EYS: variants seen among roughly 807,000 people sequenced by gnomAD.
EYS encodes the protein EGF-like photoreceptor maintenance factor, also known as protein eyes shut homolog.
EYS carries 250 observed loss-of-function variants against 282.1 expected under a neutral mutation model. The observed-to-expected ratio is 0.89, with a 90% CI of 0.80 to 0.98. EYS has a LOEUF of 0.98. Among genes scored for constraint, EYS ranks in the 50% least tolerant of loss-of-function variants. The pLI, the probability that EYS is intolerant of heterozygous loss-of-function variation, is 0.00. For missense variants in EYS, 4,016 were observed against 3,709.0 expected (o/e 1.08, Z -2.15); for synonymous variants, 1,355 against 1,282.9 (o/e 1.06, Z -1.20).
intron 26 of EYS, among the ~76,000 whole-genome samples, chr6:64,456,232 G>T (rs1423522972): frequency 1.3e-5 from 2 of 151,960 alleles, no homozygotes; most frequent in African/African-American, 2.4e-5. Context: ...AACTACAAAA[G>T]GTTTCATTTA....
intron 26 of EYS, among the ~76,000 whole-genome samples, chr6:64,453,750 C>T (rs35201809): frequency 0.28 from 42,096 of 151,888 alleles, 5,957 homozygotes; most frequent in East Asian, 0.46. Context: ...AGCACACTAT[C>T]ACAAGGAGAA....
chr6:64,924,739 C>G (rs1768458343), intron 15 of EYS, among the ~76,000 whole-genome samples: 1 of 152,174 alleles, frequency 6.6e-6, no homozygotes, highest in Non-Finnish European at 1.5e-5. Flanking sequence ...CCACCAGTCT[C>G]TTTGCTAAAA....
chr6:63,722,730 TCCTC>T (rs2149626977), intron 42 of EYS, among the ~76,000 whole-genome samples: 1 of 152,302 alleles, frequency 6.6e-6, no homozygotes, highest in Non-Finnish European at 1.5e-5. Context: ...CACTACTTCT[TCCTC>T]CCTCCAGAGT....
chr6:64,234,844 G>A (rs1464090307), intron 30 of EYS, among the ~76,000 whole-genome samples: 1 of 150,360 alleles, frequency 6.7e-6, no homozygotes, highest in African/African-American at 2.4e-5. Context: ...TGTTTTCAAG[G>A]TTCACCCATG....
chr6:63,888,792 G>A (rs552491465), intron 35 of EYS, among the ~76,000 whole-genome samples: 7 of 152,360 alleles, frequency 4.6e-5, no homozygotes, highest in African/African-American at 1.4e-4. Context: ...GAATGAGTTT[G>A]ACGGATTGAC....
chr6:64,156,077 T>A lies in EYS; in HGVS notation c.6425-74075A>T, dbSNP rs574696390. 1.5e-4 allele frequency among the ~76,000 whole-genome samples: 21 copies of A among 142,122 alleles called. No individual in the cohort carries two copies. The East Asian group carries it at 4.2e-3, about 28-fold the overall frequency. The allele number at this position is 142,122 out of a possible 152,430, so 93.2% of individuals were successfully genotyped here. A position where few individuals can be genotyped will look rare whatever the true frequency, so the allele number is the denominator to read the frequency against. On this transcript the variant is annotated intron_variant, in intron 31 of 42. Transcript: ENST00000503581. ...GTATGTGTGTATTATATATATATAT[T>A]ATATATATATGATATGGTTTGACTC...
chr6:64,061,307 G>GTA (rs893807992), intron 33 of EYS, among the ~76,000 whole-genome samples: 9 of 152,116 alleles, frequency 5.9e-5, no homozygotes, highest in Non-Finnish European at 8.8e-5. Context: ...TTAAAAAAGT[G>GTA]TATATATATA....
At chr6:64,437,107 TG>T (rs35210048) in intron 27 of EYS, among the ~76,000 whole-genome samples, 41,943 of 151,480 alleles carry the variant, frequency 0.28, 5,931 homozygotes, top group East Asian at 0.46. Context: ...TTATGATATT[TG>T]GGCCATTGCA....
chr6:65,299,631 C>A (rs948843869), intron 11 of EYS, among the ~76,000 whole-genome samples: 1 of 151,930 alleles, frequency 6.6e-6, no homozygotes, highest in African/African-American at 2.4e-5. Context: ...TATAATAATG[C>A]AAATATTTCT....
chr6:64,972,600 C>T, intron 14 of EYS, among the ~76,000 whole-genome samples: 1 of 152,172 alleles, frequency 6.6e-6, no homozygotes. Flanking sequence ...GATATATTTT[C>T]TCTTCCTTAT....
intron 31 of EYS, among the ~76,000 whole-genome samples, chr6:64,183,864 A>G (rs926310640): frequency 6.6e-6 from 1 of 152,058 alleles, no homozygotes; most frequent in Admixed American, 6.6e-5. Context: ...TTTCACCTGT[A>G]GGATTTTATC....
At chr6:64,547,737 C>T (rs1026310074) in intron 26 of EYS, among the ~76,000 whole-genome samples, 8 of 152,218 alleles carry the variant, frequency 5.3e-5, no homozygotes, top group Non-Finnish European at 8.8e-5. Context: ...CTCCTCAGCC[C>T]TTGGGTGGTC....
intron 33 of EYS, among the ~76,000 whole-genome samples, chr6:64,000,170 T>G (rs1157653233): frequency 4.1e-5 from 1 of 24,624 alleles, no homozygotes; most frequent in Non-Finnish European, 7.2e-5. Context: ...ACATGGGACT[T>G]TTTTTTTTTT....
intron 26 of EYS, among the ~76,000 whole-genome samples, chr6:64,510,156 A>G (rs1055067325): frequency 6.6e-6 from 1 of 152,184 alleles, no homozygotes. Flanking sequence ...AAGGTAGAAT[A>G]TCATAAAATG....
intron 22 of EYS, among the ~76,000 whole-genome samples, chr6:64,698,534 G>A (rs532695124): frequency 6.6e-6 from 1 of 152,114 alleles, no homozygotes; most frequent in African/African-American, 2.4e-5. Flanking sequence ...AATTATAAAT[G>A]GAGTAAATAG....
At chr6:64,043,886 C>T (rs1770502268) in intron 33 of EYS, among the ~76,000 whole-genome samples, 1 of 152,128 alleles carries the variant, frequency 6.6e-6, no homozygotes, top group South Asian at 2.1e-4. Flanking sequence ...AATATGCCAC[C>T]ATTACTGTTC....
At chr6:63,754,690 C>T (rs1282826473) in intron 41 of EYS, among the ~76,000 whole-genome samples, 7 of 152,152 alleles carry the variant, frequency 4.6e-5, no homozygotes, top group African/African-American at 1.7e-4. Flanking sequence ...GATTTATAAT[C>T]CTTTGGGTAT....
At chr6:64,762,064 T>TA (rs1329169640) in intron 22 of EYS, among the ~76,000 whole-genome samples, 1 of 152,190 alleles carries the variant, frequency 6.6e-6, no homozygotes, top group East Asian at 1.9e-4. Flanking sequence ...TAAATGTTCT[T>TA]ACCACAAAGA....
intron 26 of EYS, among the ~76,000 whole-genome samples, chr6:64,471,585 G>A (rs567458349): frequency 6.6e-6 from 1 of 152,032 alleles, no homozygotes; most frequent in Non-Finnish European, 1.5e-5. Flanking sequence ...AAATTGAAGG[G>A]GCCACAAGCA....
Sources: allele counts gnomAD v4.1 joint callset (sites outside exome capture counted in the v4.1 genomes callset), GRCh38; gene constraint gnomAD v4.1.1; transcripts MANE v1.5; gene names NCBI Gene and HGNC (gene_info 2026-07-23, HGNC 2026-07-21).